UNC5D: variants seen among roughly 807,000 people sequenced by gnomAD.
The protein encoded by UNC5D is unc-5 netrin receptor D, also known as netrin receptor UNC5D.
A neutral mutation model predicts 105.4 loss-of-function variants in UNC5D; 39 were observed. That is an observed-to-expected ratio of 0.37 (90% CI 0.29 to 0.48). The LOEUF (loss-of-function observed/expected upper bound fraction) is 0.48, where lower values mean the gene tolerates loss of function less well. UNC5D is among the 20% of genes least tolerant of loss of function. The pLI is 0.98. For synonymous variants in UNC5D, 452 were observed against 450.4 expected (o/e 1.00, Z -0.04); for missense variants, 991 against 1,202.4 (o/e 0.82, Z 2.60).
chr8:35,373,914 C>A (rs1226200392), intron 1 of UNC5D, among the ~76,000 whole-genome samples: 1 of 152,168 alleles, frequency 6.6e-6, no homozygotes. Flanking sequence ...CTTTCTTTCT[C>A]AGGCATGCTT....
intron 16 of UNC5D, among the ~76,000 whole-genome samples, chr8:35,786,823 G>T (rs1305969286): frequency 1.3e-5 from 2 of 152,154 alleles, no homozygotes; most frequent in Non-Finnish European, 2.9e-5. Context: ...CAGCAGAGGA[G>T]CGAGGTCAGC....
At chr8:35,743,135 A>G (rs895381447) in intron 11 of UNC5D, among the ~76,000 whole-genome samples, 1 of 152,180 alleles carries the variant, frequency 6.6e-6, no homozygotes, top group Non-Finnish European at 1.5e-5. Context: ...CAAAGAAACA[A>G]TGGACTTATA....
chr8:35,309,352 G>A (rs752467982), intron 1 of UNC5D, among the ~76,000 whole-genome samples: 6 of 152,208 alleles, frequency 3.9e-5, no homozygotes, highest in Admixed American at 6.5e-5. Flanking sequence ...GTTAAGCCCC[G>A]CATTAGTTGC....
At chr8:35,408,840 C>A (rs1398929396) in intron 1 of UNC5D, among the ~76,000 whole-genome samples, 1 of 151,812 alleles carries the variant, frequency 6.6e-6, no homozygotes, top group African/African-American at 2.4e-5. Context: ...AAGCATATAG[C>A]TCTATGAATT....
intron 7 of UNC5D, among the ~76,000 whole-genome samples, chr8:35,702,634 G>C (rs1827286849): frequency 6.6e-6 from 1 of 152,160 alleles, no homozygotes; most frequent in Non-Finnish European, 1.5e-5. Flanking sequence ...ATCATAGAGT[G>C]GGTACTTCTT....
chr8:35,284,131 A>G (rs1366410967), intron 1 of UNC5D, among the ~76,000 whole-genome samples: 1 of 152,220 alleles, frequency 6.6e-6, no homozygotes, highest in Non-Finnish European at 1.5e-5. Flanking sequence ...GCATGAGACT[A>G]TATTAAACTA....
intron 1 of UNC5D, among the ~76,000 whole-genome samples, chr8:35,547,893 A>G (rs192050519): frequency 5.9e-5 from 9 of 152,178 alleles, no homozygotes; most frequent in African/African-American, 1.9e-4. Context: ...AGGTCCCACA[A>G]TAGGCCGTCT....
At chr8:35,427,356 G>C (rs1318866540) in intron 1 of UNC5D, among the ~76,000 whole-genome samples, 5 of 152,142 alleles carry the variant, frequency 3.3e-5, no homozygotes, top group Non-Finnish European at 7.3e-5. Context: ...AACCCACCTG[G>C]GGCTACCTTG....
At chr8:35,551,558 G>A (rs920763269) in intron 2 of UNC5D, among the ~76,000 whole-genome samples, 8 of 152,082 alleles carry the variant, frequency 5.3e-5, no homozygotes, top group African/African-American at 1.7e-4. Context: ...GGTGGCTCAC[G>A]CCTGTAATCC....
At position 35,722,247 on chromosome 8, in the gene UNC5D, C is replaced by G; in HGVS notation, c.1155C>G (p.Gly385=). Residue 385 remains glycine (G), a synonymous_variant, in exon 9 of 17, where the codon GGC becomes GGG. Transcript: ENST00000404895. ...ENASDIALYS[G]LGAAVVAVAV... ...CCAGCGACATTGCTTTGTACTCGGG[C>G]TTGGGTGCTGCCGTCGTGGCCGTTG... The G allele has an allele frequency of 6.2e-7, 1 of 1,614,098 alleles. No homozygotes were observed. Among genetic ancestry groups the G allele is most frequent in the Non-Finnish European group, 8.5e-7 (1 of 1,180,006 alleles).
intron 1 of UNC5D, among the ~76,000 whole-genome samples, chr8:35,319,854 A>G (rs1174129391): frequency 6.6e-6 from 1 of 151,894 alleles, no homozygotes; most frequent in African/African-American, 2.4e-5. Flanking sequence ...CCTTTAAATT[A>G]TTATCAGGCC....
chr8:35,449,382 GACTC>G (rs1288948491), intron 1 of UNC5D, among the ~76,000 whole-genome samples: 1 of 152,018 alleles, frequency 6.6e-6, no homozygotes, highest in Non-Finnish European at 1.5e-5. Flanking sequence ...CGTGGTCTCT[GACTC>G]AATGAAGATG....
At chr8:35,782,757 C>T (rs1036796148) in intron 16 of UNC5D, among the ~76,000 whole-genome samples, 4 of 152,068 alleles carry the variant, frequency 2.6e-5, no homozygotes, top group African/African-American at 9.7e-5. Flanking sequence ...CCCTCCTCGG[C>T]CTCCCAAAGT....
intron 4 of UNC5D, among the ~76,000 whole-genome samples, chr8:35,654,936 T>C (rs181117010): frequency 1.4e-4 from 22 of 152,282 alleles, no homozygotes; most frequent in Admixed American, 6.5e-4. Flanking sequence ...TCTGAAGTCC[T>C]ATGACTTGAG....
intron 1 of UNC5D, among the ~76,000 whole-genome samples, chr8:35,497,913 T>C (rs988293048): frequency 3.3e-5 from 5 of 151,358 alleles, no homozygotes; most frequent in African/African-American, 9.7e-5. Context: ...CTGCTAAAAA[T>C]ACAAAATTAG....
chr8:35,319,751 G>A lies in UNC5D; in HGVS notation c.103+83864G>A, dbSNP rs1809582062. On this transcript the variant is annotated intron_variant, in intron 1 of 16. Coordinates refer to ENST00000404895, the MANE Select transcript of UNC5D (RefSeq NM_080872.4). ...CAATATGGTCCTCCAGAGTTGTCAT[G>A]TTCTTTTGGGAACTATCAGTAGTAT... Among the ~76,000 whole-genome samples the A allele has an allele frequency of 2.0e-5, 3 of 151,810 alleles. No homozygotes were observed. The South Asian group carries it at 6.2e-4, about 32-fold the overall frequency.
Position 35,331,299 on chromosome 8 carries a change from G to A in UNC5D, c.103+95412G>A, listed in dbSNP as rs552190720. Among the ~76,000 whole-genome samples the A allele has an allele frequency of 5.3e-5, 8 of 152,222 alleles. No homozygotes were observed. The South Asian group carries it at 1.2e-3, about 24-fold the overall frequency. On this transcript the variant is annotated intron_variant, in intron 1 of 16. Transcript: ENST00000404895. The stretch of plus-strand genomic sequence containing the variant: ...ACATGAGTTCATGAGTATGGTAGCC[G>A]CCTTCTCTCATAGTTATAGACCCCT...
intron 1 of UNC5D, among the ~76,000 whole-genome samples, chr8:35,330,407 G>C (rs1039357325): frequency 1.4e-4 from 21 of 152,120 alleles, no homozygotes; most frequent in African/African-American, 5.1e-4. Context: ...AAGGGGAAAG[G>C]GTTCAATGAA....
chr8:35,602,016 G>C (rs1586223180), intron 4 of UNC5D, among the ~76,000 whole-genome samples: 2 of 152,250 alleles, frequency 1.3e-5, no homozygotes, highest in African/African-American at 4.8e-5. Context: ...AAGGGTTATT[G>C]AATTTTGTCA....
Sources: allele counts gnomAD v4.1 joint callset (sites outside exome capture counted in the v4.1 genomes callset), GRCh38; gene constraint gnomAD v4.1.1; transcripts MANE v1.5; gene names NCBI Gene and HGNC (gene_info 2026-07-23, HGNC 2026-07-21).